LRFN5: variants seen among roughly 807,000 people sequenced by gnomAD.
The protein encoded by LRFN5 is leucine rich repeat and fibronectin type III domain containing 5.
LRFN5 carries 24 observed loss-of-function variants against 45.6 expected under a neutral mutation model. The ratio of observed to expected loss-of-function variants is 0.53; its 90% CI spans 0.38 to 0.74. LRFN5 has a LOEUF of 0.74. Among genes scored for constraint, LRFN5 ranks in the 30% least tolerant of loss-of-function variants. LRFN5 has a pLI of 0.00. For missense variants in LRFN5, 776 were observed against 861.5 expected (o/e 0.90, Z 1.24); for synonymous variants, 340 against 313.8 (o/e 1.08, Z -0.88).
At chr14:41,850,895 A>G (rs1159100455) in intron 2 of LRFN5, among the ~76,000 whole-genome samples, 4 of 151,836 alleles carry the variant, frequency 2.6e-5, no homozygotes, top group African/African-American at 9.7e-5. Context: ...TTCAGAAAAA[A>G]AAATATGTGT....
At chr14:41,886,019 C>CAAAAAA (rs35648547) in intron 2 of LRFN5, among the ~76,000 whole-genome samples, 7 of 88,756 alleles carry the variant, frequency 7.9e-5, no homozygotes, top group African/African-American at 2.3e-4. Context: ...AGGCTCGTCT[C>CAAAAAA]AAAAAAAAAA....
chr14:41,701,941 C>T (rs1213651915), intron 1 of LRFN5, among the ~76,000 whole-genome samples: 2 of 152,102 alleles, frequency 1.3e-5, no homozygotes, highest in Non-Finnish European at 2.9e-5. Context: ...TTAACAAGCT[C>T]CCCATCCTAA....
intron 2 of LRFN5, among the ~76,000 whole-genome samples, chr14:41,883,102 C>T (rs1001800827): frequency 3.3e-5 from 5 of 151,870 alleles, no homozygotes; most frequent in African/African-American, 7.3e-5. Context: ...CCCCCCGACC[C>T]TGGCTTCCCA....
chr14:41,786,986 G>T (rs1239771690), intron 2 of LRFN5, among the ~76,000 whole-genome samples: 2 of 151,712 alleles, frequency 1.3e-5, no homozygotes, highest in Non-Finnish European at 2.9e-5. Context: ...TATTTGATGT[G>T]TTTTATATAT....
At chr14:41,703,029 G>A (rs1374957416) in intron 1 of LRFN5, among the ~76,000 whole-genome samples, 1 of 151,814 alleles carries the variant, frequency 6.6e-6, no homozygotes, top group Non-Finnish European at 1.5e-5. Flanking sequence ...AGCTCTCCTG[G>A]TAAAAATGAA....
chr14:41,613,082 C>G (rs1887811927), intron 1 of LRFN5, among the ~76,000 whole-genome samples: 1 of 152,046 alleles, frequency 6.6e-6, no homozygotes, highest in African/African-American at 2.4e-5. Flanking sequence ...ACTCTGCTGT[C>G]TATCATTTTA....
chr14:41,794,549 C>T (rs1357158993), intron 2 of LRFN5, among the ~76,000 whole-genome samples: 1 of 151,890 alleles, frequency 6.6e-6, no homozygotes, highest in African/African-American at 2.4e-5. Context: ...AGGAGTGTAG[C>T]CTTCATATGC....
At chr14:41,724,035 C>T (rs989510707) in intron 1 of LRFN5, among the ~76,000 whole-genome samples, 4 of 152,148 alleles carry the variant, frequency 2.6e-5, no homozygotes, top group African/African-American at 7.2e-5. Context: ...CCCTTGGCCT[C>T]GAATTCCATG....
chr14:41,713,625 A>G (rs907607528), intron 1 of LRFN5, among the ~76,000 whole-genome samples: 3 of 152,140 alleles, frequency 2.0e-5, no homozygotes, highest in African/African-American at 7.2e-5. Flanking sequence ...CTATAGAAGT[A>G]CTTTCAATGT....
chr14:41,726,391 A>G (rs767848569), intron 1 of LRFN5, among the ~76,000 whole-genome samples: 4 of 152,152 alleles, frequency 2.6e-5, no homozygotes, highest in Non-Finnish European at 5.9e-5. Flanking sequence ...TAACAAATAT[A>G]CTGTATGAAA....
chr14:41,732,968 T>C (rs1884245691), intron 1 of LRFN5, among the ~76,000 whole-genome samples: 1 of 151,540 alleles, frequency 6.6e-6, no homozygotes, highest in Non-Finnish European at 1.5e-5. Context: ...GAGGGATTTA[T>C]AGAAAGATTT....
At chr14:41,610,978 A>G (rs185175223) in intron 1 of LRFN5, among the ~76,000 whole-genome samples, 51 of 152,272 alleles carry the variant, frequency 3.3e-4, no homozygotes, top group Non-Finnish European at 7.4e-5. Flanking sequence ...GAGAGTGCAC[A>G]AGAAAAAAGA....
At chr14:41,669,496 T>G (rs983637843) in intron 1 of LRFN5, among the ~76,000 whole-genome samples, 15 of 152,040 alleles carry the variant, frequency 9.9e-5, no homozygotes, top group Admixed American at 3.3e-4. Context: ...CTATTAGAAA[T>G]TCAAATTAAA....
At chr14:41,680,518 G>A (rs1244658551) in intron 1 of LRFN5, among the ~76,000 whole-genome samples, 2 of 152,138 alleles carry the variant, frequency 1.3e-5, no homozygotes, top group Non-Finnish European at 2.9e-5. Context: ...TGACCAAGGT[G>A]GTCCCTCTAT....
chr14:41,614,908 T>C (rs1887880751), intron 1 of LRFN5, among the ~76,000 whole-genome samples: 1 of 152,010 alleles, frequency 6.6e-6, no homozygotes, highest in South Asian at 2.1e-4. Context: ...GTAATAATCG[T>C]ATGGCTTCAA....
At chr14:41,896,901 G>A (rs778853189) in intron 4 of LRFN5, among the ~76,000 whole-genome samples, 5 of 151,716 alleles carry the variant, frequency 3.3e-5, no homozygotes, top group African/African-American at 9.7e-5. Context: ...GACCATCCTG[G>A]CCAACGTGGT....
chr14:41,825,995 T>C (rs73319467), intron 2 of LRFN5, among the ~76,000 whole-genome samples: 11 of 152,346 alleles, frequency 7.2e-5, no homozygotes, highest in African/African-American at 2.6e-4. Flanking sequence ...ATTTTCTTCC[T>C]GTGAGTCTTC....
intron 1 of LRFN5, among the ~76,000 whole-genome samples, chr14:41,680,065 T>G (rs1040615135): frequency 2.6e-5 from 4 of 152,106 alleles, no homozygotes; most frequent in Non-Finnish European, 5.9e-5. Flanking sequence ...AGGACTTCAC[T>G]CTTGTGGCTT....
chr14:41,669,884 T>C (rs953036891), intron 1 of LRFN5, among the ~76,000 whole-genome samples: 3 of 150,350 alleles, frequency 2.0e-5, no homozygotes, highest in African/African-American at 4.9e-5. Flanking sequence ...AAAAAAGGAG[T>C]AGAGAAATTC....
Sources: gnomAD v4.1 joint callset for allele counts (sites outside exome capture counted in the v4.1 genomes callset) on GRCh38, gnomAD v4.1.1 for gene constraint, MANE v1.5 for transcripts, NCBI Gene and HGNC (gene_info 2026-07-23, HGNC 2026-07-21) for gene names.